The following SYN3 variants were observed in gnomAD, a reference collection of about 807,000 sequenced individuals.
SYN3 encodes synapsin III.
SYN3 carries 35 observed loss-of-function variants against 65.8 expected under a neutral mutation model. The ratio of observed to expected loss-of-function variants is 0.53; its 90% confidence interval spans 0.41 to 0.70. The LOEUF is 0.70. SYN3 is among the 30% of genes least tolerant of loss of function. The pLI is 0.00. For missense variants in SYN3, 680 were observed against 749.0 expected (o/e 0.91, Z 1.08); for synonymous variants, 270 against 292.9 (o/e 0.92, Z 0.80).
chr22:32,895,547 C>T (rs2049567657), intron 4 of SYN3, among the ~76,000 whole-genome samples: 2 of 152,134 alleles, frequency 1.3e-5, no homozygotes, highest in South Asian at 2.1e-4. Context: ...TGACCTGATC[C>T]TTGACAGCAA....
chr22:32,908,930 T>C (rs1004480784), intron 4 of SYN3, among the ~76,000 whole-genome samples: 1 of 152,166 alleles, frequency 6.6e-6, no homozygotes, highest in African/African-American at 2.4e-5. Flanking sequence ...TAGGGCAGAT[T>C]ATCATAGCAA....
intron 6 of SYN3, among the ~76,000 whole-genome samples, chr22:32,698,551 G>C (rs1305308266): frequency 1.3e-5 from 2 of 152,112 alleles, no homozygotes; most frequent in African/African-American, 4.8e-5. Context: ...GTTGTTGTTT[G>C]AAGGACCTAC....
At position 33,033,016 on chromosome 22, in the gene SYN3, C is replaced by CT. The variant is rs976027120; in HGVS notation, c.-163+25275dup. On this transcript the variant is annotated intron_variant, in intron 1 of 13. Coordinates refer to ENST00000358763, the MANE Select transcript of SYN3 (RefSeq NM_003490.4). ...GTCACCCATGTGTGCTCAGAATAAA[C>CT]TTTTTTTTTTTTTGAGATGGAGTTT... Among the ~76,000 whole-genome samples the CT allele has an allele frequency of 5.5e-3, 802 of 146,598 alleles. 7 individuals are homozygous for CT. The highest frequency in any genetic ancestry group is 0.017 in the African/African-American group (670 of 40,206).
intron 6 of SYN3, chr22:32,862,091 G>A (rs932602949): frequency 6.6e-6 from 1 of 152,520 alleles, no homozygotes; most frequent in Non-Finnish European, 1.5e-5. Context: ...ATGGCTCCTG[G>A]AGTAGGAAAA....
chr22:32,765,669 G>A (rs1232912878), intron 6 of SYN3, among the ~76,000 whole-genome samples: 1 of 152,164 alleles, frequency 6.6e-6, no homozygotes. Flanking sequence ...GGGCATGGCT[G>A]GCAGGAGCGG....
At chr22:32,602,320 T>C (rs1435230917) in intron 6 of SYN3, among the ~76,000 whole-genome samples, 4 of 152,210 alleles carry the variant, frequency 2.6e-5, no homozygotes, top group Admixed American at 2.6e-4. Flanking sequence ...TGCAAACACG[T>C]ATGCACGGAT....
intron 6 of SYN3, among the ~76,000 whole-genome samples, chr22:32,814,107 C>CGTGT (rs130279): frequency 3.1e-5 from 3 of 97,676 alleles, no homozygotes; most frequent in South Asian, 3.9e-4. Flanking sequence ...AGGCAATACT[C>CGTGT]GTGTGTGTGT....
chr22:32,540,099 G>C (rs2058229506), intron 8 of SYN3, among the ~76,000 whole-genome samples: 1 of 152,236 alleles, frequency 6.6e-6, no homozygotes, highest in African/African-American at 2.4e-5. Flanking sequence ...ACCTCCTCCA[G>C]TTTCACAAGC....
intron 1 of SYN3, among the ~76,000 whole-genome samples, chr22:33,019,463 T>G (rs543974430): frequency 6.6e-5 from 10 of 152,284 alleles, no homozygotes; most frequent in African/African-American, 2.4e-4. Context: ...GGGTGGCTTA[T>G]TCAACCTCCG....
chr22:32,762,713 C>T (rs2045517426), intron 6 of SYN3, among the ~76,000 whole-genome samples: 2 of 152,348 alleles, frequency 1.3e-5, no homozygotes, highest in African/African-American at 2.4e-5. Context: ...GGCGGGCGCC[C>T]TTGCATGAAA....
chr22:32,744,938 G>A (rs1044106368), intron 6 of SYN3, among the ~76,000 whole-genome samples: 6 of 152,206 alleles, frequency 3.9e-5, no homozygotes, highest in Admixed American at 6.5e-5. Context: ...CTTTCTGGAA[G>A]GTGAAGGAAG....
At chr22:32,524,973 C>T (rs1052460180) in intron 12 of SYN3, among the ~76,000 whole-genome samples, 2 of 152,196 alleles carry the variant, frequency 1.3e-5, no homozygotes, top group Non-Finnish European at 2.9e-5. Flanking sequence ...CGAGATTGCA[C>T]CACTGAACTC....
intron 6 of SYN3, chr22:32,783,055 C>T (rs1364126833): frequency 2.0e-5 from 3 of 152,162 alleles, no homozygotes; most frequent in Admixed American, 6.5e-5. Flanking sequence ...TCTGGGGAAG[C>T]CAGGTACTTA....
intron 7 of SYN3, among the ~76,000 whole-genome samples, chr22:32,580,229 C>T (rs187704450): frequency 2.6e-5 from 4 of 152,314 alleles, no homozygotes; most frequent in South Asian, 4.1e-4. Context: ...GCGCACCACC[C>T]GTTTTTGTAC....
intron 6 of SYN3, chr22:32,857,242 C>A: frequency 6.2e-7 from 1 of 1,608,390 alleles, no homozygotes; most frequent in Non-Finnish European, 8.5e-7. Flanking sequence ...GTTCCTTTTG[C>A]CCACAGATGT....
chr22:32,971,635 C>T (rs770176306), intron 3 of SYN3, among the ~76,000 whole-genome samples: 2 of 152,166 alleles, frequency 1.3e-5, no homozygotes, highest in Admixed American at 6.5e-5. Context: ...CCAGAACTCA[C>T]GGGTCACGTA....
At chr22:32,685,749 T>A (rs2060580522) in intron 6 of SYN3, among the ~76,000 whole-genome samples, 1 of 152,202 alleles carries the variant, frequency 6.6e-6, no homozygotes, top group African/African-American at 2.4e-5. Flanking sequence ...CATTAACTGA[T>A]GCAATACTGT....
chr22:32,961,129 G>A (rs539639047), intron 3 of SYN3, among the ~76,000 whole-genome samples: 18 of 152,294 alleles, frequency 1.2e-4, no homozygotes, highest in African/African-American at 4.1e-4. Context: ...TATTGTAGGA[G>A]GTTTAGCAAC....
At chr22:32,530,531 G>A (rs112200280) in intron 10 of SYN3, among the ~76,000 whole-genome samples, 3 of 151,498 alleles carry the variant, frequency 2.0e-5, no homozygotes, top group African/African-American at 7.3e-5. Flanking sequence ...CTTCTGCTGT[G>A]TATTTGCTCT....
Sources: allele counts gnomAD v4.1 joint callset (sites outside exome capture counted in the v4.1 genomes callset), GRCh38; gene constraint gnomAD v4.1.1; transcripts MANE v1.5; gene names NCBI Gene and HGNC (gene_info 2026-07-23, HGNC 2026-07-21).